NTF3: variants seen among roughly 807,000 people sequenced by gnomAD.
NTF3 encodes neurotrophin-3.
A neutral mutation model predicts 26.3 loss-of-function variants in NTF3; 8 were observed. The observed-to-expected ratio is 0.30, with a 90% CI of 0.18 to 0.55. NTF3 has a LOEUF of 0.55. NTF3 is among the 20% of genes least tolerant of loss of function. The pLI, the probability that NTF3 is intolerant of heterozygous loss-of-function variation, is 0.93. For missense variants in NTF3, 276 were observed against 352.9 expected (o/e 0.78, Z 1.75); for synonymous variants, 154 against 145.5 (o/e 1.06, Z -0.42).
intron 1 of NTF3, among the ~76,000 whole-genome samples, chr12:5,490,693 T>C (rs967650800): frequency 5.9e-5 from 9 of 152,218 alleles, no homozygotes; most frequent in African/African-American, 1.7e-4. Context: ...CACCTCTCCC[T>C]TGCCCGTGTT....
chr12:5,493,222 G>A (rs1010684911), intron 1 of NTF3, among the ~76,000 whole-genome samples: 3 of 152,190 alleles, frequency 2.0e-5, no homozygotes, highest in Non-Finnish European at 2.9e-5. Context: ...CCACCAGGAC[G>A]CCACCGGAGT....
intron 1 of NTF3, among the ~76,000 whole-genome samples, chr12:5,439,064 C>T (rs1273094369): frequency 6.6e-6 from 1 of 152,214 alleles, no homozygotes; most frequent in Admixed American, 6.5e-5. Flanking sequence ...TTAGCCTACA[C>T]AGGGTGTGCA....
chr12:5,445,972 G>A (rs184967520), intron 1 of NTF3, among the ~76,000 whole-genome samples: 55 of 152,292 alleles, frequency 3.6e-4, no homozygotes, highest in Non-Finnish European at 1.2e-4. Context: ...AGCACTCACC[G>A]TCTCTCATCT....
upstream of NTF3, among the ~76,000 whole-genome samples, chr12:5,431,436 C>T (rs974983457): frequency 1.3e-5 from 2 of 152,180 alleles, no homozygotes; most frequent in African/African-American, 4.8e-5. Context: ...CGCCCCCACG[C>T]CCCTCTACCT....
intron 1 of NTF3, among the ~76,000 whole-genome samples, chr12:5,459,242 G>A (rs984906157): frequency 1.3e-5 from 2 of 152,096 alleles, no homozygotes; most frequent in African/African-American, 2.4e-5. Flanking sequence ...TCAGAGGATG[G>A]AGGCCAACCA....
intron 1 of NTF3, among the ~76,000 whole-genome samples, chr12:5,484,147 G>A (rs779048510): frequency 1.1e-4 from 17 of 152,188 alleles, no homozygotes; most frequent in African/African-American, 4.1e-4. Context: ...GATGAGCAGC[G>A]TAGGGCTGGT....
intron 1 of NTF3, among the ~76,000 whole-genome samples, chr12:5,480,090 C>T (rs1940768870): frequency 6.6e-6 from 1 of 152,230 alleles, no homozygotes; most frequent in Admixed American, 6.5e-5. Flanking sequence ...AGTGCAGCCC[C>T]TCCAGAGCTG....
At chr12:5,437,888 C>T (rs1156737867) in intron 1 of NTF3, among the ~76,000 whole-genome samples, 2 of 152,222 alleles carry the variant, frequency 1.3e-5, no homozygotes, top group East Asian at 1.9e-4. Context: ...TGCGTGCGTG[C>T]GTGCTGGGGG....
chr12:5,458,033 G>A (rs1940474996), intron 1 of NTF3, among the ~76,000 whole-genome samples: 1 of 152,140 alleles, frequency 6.6e-6, no homozygotes, highest in Non-Finnish European at 1.5e-5. Flanking sequence ...TTTTCTACTT[G>A]AAATCTTATA....
intron 1 of NTF3, among the ~76,000 whole-genome samples, chr12:5,454,288 C>G (rs1206283711): frequency 6.6e-6 from 1 of 152,220 alleles, no homozygotes; most frequent in Non-Finnish European, 1.5e-5. Flanking sequence ...TTGTCTCACA[C>G]TGTCTTTCCT....
At chr12:5,455,690 G>A (rs576130813) in intron 1 of NTF3, among the ~76,000 whole-genome samples, 2 of 152,282 alleles carry the variant, frequency 1.3e-5, no homozygotes, top group East Asian at 3.9e-4. Context: ...GTTTAGATGG[G>A]TGCTGGGGAC....
At chr12:5,446,770 G>A (rs1034103860) in intron 1 of NTF3, among the ~76,000 whole-genome samples, 1 of 152,234 alleles carries the variant, frequency 6.6e-6, no homozygotes, top group African/African-American at 2.4e-5. Flanking sequence ...CAGGCATGCT[G>A]GAGCCGGATG....
intron 1 of NTF3, among the ~76,000 whole-genome samples, chr12:5,435,790 G>C (rs961275833): frequency 3.3e-5 from 5 of 152,260 alleles, no homozygotes; most frequent in South Asian, 4.2e-4. Flanking sequence ...TGGGCTACGA[G>C]TGTAAAGCTA....
At chr12:5,449,269 A>G (rs1940344362) in intron 1 of NTF3, among the ~76,000 whole-genome samples, 1 of 152,218 alleles carries the variant, frequency 6.6e-6, no homozygotes, top group Admixed American at 6.5e-5. Flanking sequence ...GAGCGTTAAT[A>G]GGAGCTCTGT....
chr12:5,442,008 C>G (rs928630364), intron 1 of NTF3, among the ~76,000 whole-genome samples: 1 of 152,194 alleles, frequency 6.6e-6, no homozygotes, highest in South Asian at 2.1e-4. Context: ...GAAAGCAACT[C>G]AAAACACACG....
chr12:5,467,891 C>T (rs1441640053), intron 1 of NTF3, among the ~76,000 whole-genome samples: 1 of 152,176 alleles, frequency 6.6e-6, no homozygotes, highest in Non-Finnish European at 1.5e-5. Flanking sequence ...TGCTGTACTC[C>T]TTGGACACCC....
intron 1 of NTF3, among the ~76,000 whole-genome samples, chr12:5,464,752 A>G (rs1940567841): frequency 6.6e-6 from 1 of 152,204 alleles, no homozygotes; most frequent in Admixed American, 6.5e-5. Flanking sequence ...ACATGAATTC[A>G]TATGAATTCA....
At chr12:5,430,967 G>A (rs1299714162), upstream of NTF3, among the ~76,000 whole-genome samples, 6 of 152,020 alleles carry the variant, frequency 3.9e-5, no homozygotes, top group East Asian at 1.9e-4. Context: ...TCGATTTCTC[G>A]TTGATCACTA....
At chr12:5,432,714 G>C (rs1323185572) in intron 1 of NTF3, among the ~76,000 whole-genome samples, 2 of 152,070 alleles carry the variant, frequency 1.3e-5, no homozygotes, top group Non-Finnish European at 2.9e-5. Context: ...GATTGGAAAG[G>C]GTGGGGGCAG....
Sources: gnomAD v4.1 joint callset for allele counts (sites outside exome capture counted in the v4.1 genomes callset) on GRCh38, gnomAD v4.1.1 for gene constraint, MANE v1.5 for transcripts, NCBI Gene and HGNC (gene_info 2026-07-23, HGNC 2026-07-21) for gene names.